NEK10: variants seen among roughly 807,000 people sequenced by gnomAD.
The protein encoded by NEK10 is NIMA related kinase 10.
A neutral mutation model predicts 159.8 loss-of-function variants in NEK10; 122 were observed. The ratio of observed to expected loss-of-function variants is 0.76; its 90% CI spans 0.66 to 0.89. The LOEUF (loss-of-function observed/expected upper bound fraction) is 0.89, where lower values mean the gene tolerates loss of function less well. NEK10 is among the 40% of genes least tolerant of loss of function. The pLI, the probability that NEK10 is intolerant of heterozygous loss-of-function variation, is 0.00. For synonymous variants in NEK10, 466 were observed against 457.1 expected (o/e 1.02, Z -0.25); for missense variants, 1,342 against 1,323.1 (o/e 1.01, Z -0.22).
At chr3:27,150,528 G>A (rs1944726652) in intron 30 of NEK10, among the ~76,000 whole-genome samples, 1 of 152,178 alleles carries the variant, frequency 6.6e-6, no homozygotes, top group Admixed American at 6.5e-5. Flanking sequence ...CTGGATGAAA[G>A]CACTCTGTTT....
intron 25 of NEK10, among the ~76,000 whole-genome samples, chr3:27,198,991 T>C (rs1949797786): frequency 6.7e-6 from 1 of 150,090 alleles, no homozygotes; most frequent in Non-Finnish European, 1.5e-5. Flanking sequence ...GAGAATCGCT[T>C]GAACCTGGGA....
At chr3:27,222,795 T>G (rs920900722) in intron 23 of NEK10, among the ~76,000 whole-genome samples, 1 of 152,126 alleles carries the variant, frequency 6.6e-6, no homozygotes, top group Non-Finnish European at 1.5e-5. Flanking sequence ...AATATTTTAA[T>G]AGTTCAGCTG....
At chr3:27,171,907 T>C (rs1947022667) in intron 28 of NEK10, 34 bp from the exon 29 acceptor site, 12 of 1,591,304 alleles carry the variant, frequency 7.5e-6, no homozygotes, top group Non-Finnish European at 1.0e-5. Flanking sequence ...CTTTACATTA[T>C]TTCCTCTGCA....
At chr3:27,191,200 G>A (rs1402612428) in intron 26 of NEK10, among the ~76,000 whole-genome samples, 2 of 152,164 alleles carry the variant, frequency 1.3e-5, no homozygotes, top group African/African-American at 2.4e-5. Context: ...CAGCTGAGAT[G>A]GAGCAGGTCC....
intron 26 of NEK10, among the ~76,000 whole-genome samples, chr3:27,177,477 G>A (rs961699982): frequency 1.3e-5 from 2 of 151,920 alleles, no homozygotes; most frequent in African/African-American, 4.8e-5. Context: ...CCCAGGAGGC[G>A]GAGCTTGCAG....
At chr3:27,167,774 A>G (rs1411679803) in intron 29 of NEK10, among the ~76,000 whole-genome samples, 1 of 152,224 alleles carries the variant, frequency 6.6e-6, no homozygotes, top group Non-Finnish European at 1.5e-5. Flanking sequence ...CATTAACTAT[A>G]TTCCTTAAAA....
chr3:27,296,666 A>G (rs574860763), intron 14 of NEK10, among the ~76,000 whole-genome samples: 35 of 152,316 alleles, frequency 2.3e-4, no homozygotes, highest in African/African-American at 8.2e-4. Flanking sequence ...AGATCTATTA[A>G]TTTATATTTA....
intron 29 of NEK10, among the ~76,000 whole-genome samples, chr3:27,164,789 A>G (rs1166038383): frequency 1.3e-5 from 2 of 152,212 alleles, no homozygotes; most frequent in African/African-American, 4.8e-5. Context: ...TAAAAATGCA[A>G]CTTGTGGCAA....
intron 23 of NEK10, among the ~76,000 whole-genome samples, chr3:27,218,391 G>T (rs1322764568): frequency 6.6e-6 from 1 of 152,060 alleles, no homozygotes; most frequent in Non-Finnish European, 1.5e-5. Flanking sequence ...CGGATCACAA[G>T]GTCAGGAGTT....
intron 25 of NEK10, chr3:27,194,345 G>C (rs1949388184): frequency 6.6e-6 from 1 of 151,996 alleles, no homozygotes; most frequent in East Asian, 1.9e-4. Context: ...TCAATCTCCT[G>C]ACCTTGTGAT....
chr3:27,315,202 T>C (rs1209274345), intron 6 of NEK10, among the ~76,000 whole-genome samples: 4 of 152,174 alleles, frequency 2.6e-5, no homozygotes, highest in African/African-American at 4.8e-5. Context: ...AGGAAGTTAT[T>C]TGAAACATAA....
chr3:27,235,359 C>T (rs926476454), intron 23 of NEK10, among the ~76,000 whole-genome samples: 1 of 152,142 alleles, frequency 6.6e-6, no homozygotes, highest in African/African-American at 2.4e-5. Context: ...TTTTTGCAAA[C>T]TATGCATCTG....
At chr3:27,117,836 T>C (rs1296035345) in intron 33 of NEK10, among the ~76,000 whole-genome samples, 1 of 152,196 alleles carries the variant, frequency 6.6e-6, no homozygotes, top group Non-Finnish European at 1.5e-5. Context: ...ATCCCATTTG[T>C]GAATTTTTGC....
At chr3:27,264,804 G>A (rs969428303) in intron 22 of NEK10, among the ~76,000 whole-genome samples, 8 of 151,960 alleles carry the variant, frequency 5.3e-5, no homozygotes, top group African/African-American at 1.9e-4. Flanking sequence ...TGAGACAGGG[G>A]AATCACTGGA....
rs1259414114 is a variant in NEK10, at chr3:27,192,597, A to G, written c.2292-355T>C. Among the ~76,000 whole-genome samples the G allele has an allele frequency of 1.4e-3, 22 of 16,284 alleles. No individual in the cohort carries two copies. The African/African-American group carries it at 0.014, about 10-fold the overall frequency. 10.7% of individuals were successfully genotyped at this position (16,284 alleles called of 152,430 possible). A position where few individuals can be genotyped will look rare whatever the true frequency, so the allele number is the denominator to read the frequency against. ...TCACTGCCAACTCACTGGCAGGTGGAAAAAAAAAAAAAAAAAGCCCAGTGT... is the reference window on the plus strand; with the variant it reads ...TCACTGCCAACTCACTGGCAGGTGGGAAAAAAAAAAAAAAAAGCCCAGTGT... On this transcript the variant is annotated intron_variant, in intron 25 of 35. Coordinates refer to ENST00000691995, the MANE Select transcript of NEK10 (RefSeq NM_001394966.1).
At chr3:27,216,898 G>A (rs571890018) in intron 23 of NEK10, among the ~76,000 whole-genome samples, 48 of 152,298 alleles carry the variant, frequency 3.2e-4, no homozygotes, top group South Asian at 1.0e-3. Flanking sequence ...AATCATCAGA[G>A]TATGAACAAT....
At chr3:27,175,158 C>T (rs560844056) in intron 26 of NEK10, among the ~76,000 whole-genome samples, 1 of 152,284 alleles carries the variant, frequency 6.6e-6, no homozygotes, top group African/African-American at 2.4e-5. Flanking sequence ...AAATTTCTCT[C>T]CCTTAAGTTT....
At chr3:27,145,969 G>C (rs150839484) in intron 30 of NEK10, among the ~76,000 whole-genome samples, 75 of 152,246 alleles carry the variant, frequency 4.9e-4, no homozygotes, top group African/African-American at 1.7e-3. Context: ...GCTAGAAGGC[G>C]CCTCTGGTTA....
intron 26 of NEK10, among the ~76,000 whole-genome samples, chr3:27,191,420 G>T (rs1949110612): frequency 6.6e-6 from 1 of 152,198 alleles, no homozygotes; most frequent in African/African-American, 2.4e-5. Context: ...GAAAATAAGA[G>T]ACAGCAACAA....
Sources: gnomAD v4.1 joint callset for allele counts (sites outside exome capture counted in the v4.1 genomes callset) on GRCh38, gnomAD v4.1.1 for gene constraint, MANE v1.5 for transcripts, NCBI Gene and HGNC (gene_info 2026-07-23, HGNC 2026-07-21) for gene names.